Variants in ARHGAP20 observed in about 807,000 individuals in gnomAD.
The protein encoded by ARHGAP20 is rho GTPase-activating protein 20.
Under a neutral mutation model 73.7 loss-of-function variants are expected in ARHGAP20, and 34 were observed. The observed-to-expected ratio is 0.46, with a 90% confidence interval of 0.35 to 0.61. The LOEUF (loss-of-function observed/expected upper bound fraction) is 0.61. Among genes scored for constraint, ARHGAP20 ranks in the 20% least tolerant of loss-of-function variants. The pLI, the probability that ARHGAP20 is intolerant of heterozygous loss-of-function variation, is 0.00. For missense variants in ARHGAP20, 1,314 were observed against 1,420.9 expected (o/e 0.92, Z 1.21); for synonymous variants, 523 against 518.2 (o/e 1.01, Z -0.13).
At chr11:110,655,467 G>A (rs180915955) in intron 2 of ARHGAP20, among the ~76,000 whole-genome samples, 5 of 152,292 alleles carry the variant, frequency 3.3e-5, no homozygotes, top group Admixed American at 1.3e-4. Context: ...GAACATTAAC[G>A]TAAGCTCCGC....
intron 2 of ARHGAP20, among the ~76,000 whole-genome samples, chr11:110,647,019 T>G (rs1294329017): frequency 6.6e-6 from 1 of 152,150 alleles, no homozygotes; most frequent in African/African-American, 2.4e-5. Flanking sequence ...TACTGGAGGC[T>G]TTTTGCAATG....
Position 110,579,301 on chromosome 11 carries a change from TC to T in ARHGAP20, c.*68del. The T allele has an allele frequency of 6.7e-7, 1 of 1,492,392 alleles. No homozygotes were observed. Among genetic ancestry groups the T allele is most frequent in the Non-Finnish European group, 8.9e-7 (1 of 1,119,760 alleles). 92.4% of individuals were successfully genotyped at this position (1,492,392 alleles called of 1,614,324 possible). ...CTCCCAGGTATCTTATACAAAGGGG[TC>T]ATAATAATTATTGTCTATTATTATT... On this transcript the variant is annotated 3_prime_UTR_variant, in exon 15 of 15. Transcript: ENST00000683387.
rs142567231 is a variant in ARHGAP20, at chr11:110,587,824, C to T, written c.1306-1499G>A. On this transcript the variant is annotated intron_variant, in intron 11 of 14. Transcript: ENST00000683387. The stretch of plus-strand genomic sequence containing the variant: ...GACTAATTCAAAGTCTTCTTCTGTT[C>T]TATTATATCTTCTAGCAGAAATGTA... Among the ~76,000 whole-genome samples the T allele has an allele frequency of 3.3e-5, 5 of 151,978 alleles. 1 individual carries two copies. The East Asian group carries it at 5.8e-4, about 18-fold the overall frequency.
In ARHGAP20 at chr11:110,577,771, A is replaced by G; in HGVS notation, c.*1599T>C. The G allele has an allele frequency of 1.0e-6, 1 of 985,890 alleles. No individual in the cohort carries two copies. The highest frequency in any genetic ancestry group is 1.2e-6 in the Non-Finnish European group (1 of 829,946). 61.1% of individuals were successfully genotyped at this position (985,890 alleles called of 1,614,324 possible). A position where few individuals can be genotyped will look rare whatever the true frequency, so the allele number is the denominator to read the frequency against. On this transcript the variant is annotated 3_prime_UTR_variant, in exon 15 of 15. Coordinates refer to ENST00000683387, the MANE Select transcript of ARHGAP20 (RefSeq NM_001384657.1). ...TGTAATGGTTAGCGCAAACAGGGCC[A>G]TGTCCCCAAGAGGTAGGTAGCACCT...
At chr11:110,597,586 C>T (rs1363239490) in intron 9 of ARHGAP20, among the ~76,000 whole-genome samples, 1 of 152,134 alleles carries the variant, frequency 6.6e-6, no homozygotes, top group East Asian at 1.9e-4. Flanking sequence ...GCGTGAGCCA[C>T]TGTACACAGC....
chr11:110,682,339 T>C (rs1336991515), intron 2 of ARHGAP20, among the ~76,000 whole-genome samples: 1 of 152,182 alleles, frequency 6.6e-6, no homozygotes, highest in Non-Finnish European at 1.5e-5. Flanking sequence ...TATATAAGAC[T>C]CATTTAGTTC....
chr11:110,583,639 G>T lies in ARHGAP20; in HGVS notation c.1514C>A (p.Thr505Asn), dbSNP rs943049870. Residue 505 changes from threonine (T) to asparagine (N), a missense_variant, in exon 13 of 15, where the codon ACT (threonine) becomes AAT (asparagine). By Grantham distance (65) the Thr-to-Asn change is moderately conservative (BLOSUM62 0). This residue lies in a region of ARHGAP20 where 230 missense variants were observed against 317.6 expected (regional missense o/e 0.72). Transcript: ENST00000683387. ...GACACACACAGCTAAATTAAATGCA[G>T]TCATCTGATTGGATGAGGAATGTTG... ...IEQHSSSNQM[T>N]AFNLAVCVAP... is the part of the protein sequence containing the mutation. 1.3e-5 allele frequency: 21 copies of T among 1,613,142 alleles called. No individual in the cohort carries two copies. Among genetic ancestry groups the T allele is most frequent in the Non-Finnish European group, 1.7e-5 (20 of 1,179,476 alleles).
intron 2 of ARHGAP20, among the ~76,000 whole-genome samples, chr11:110,682,495 A>G (rs1418583376): frequency 6.6e-6 from 1 of 152,154 alleles, no homozygotes; most frequent in Non-Finnish European, 1.5e-5. Flanking sequence ...GTACTGTATC[A>G]TATTCCTTTA....
At chr11:110,583,275 T>C (rs1406342363) in intron 13 of ARHGAP20, among the ~76,000 whole-genome samples, 1 of 152,164 alleles carries the variant, frequency 6.6e-6, no homozygotes, top group Non-Finnish European at 1.5e-5. Context: ...AAAGTCCTTT[T>C]TTTCTTTTCA....
chr11:110,629,971 T>G (rs1014659891), intron 3 of ARHGAP20, among the ~76,000 whole-genome samples: 1 of 152,234 alleles, frequency 6.6e-6, no homozygotes, highest in Non-Finnish European at 1.5e-5. Context: ...TTGGGTAATT[T>G]GTTAAATGGC....
chr11:110,586,981 C>G (rs1029650530), intron 11 of ARHGAP20, among the ~76,000 whole-genome samples: 2 of 152,166 alleles, frequency 1.3e-5, no homozygotes, highest in African/African-American at 4.8e-5. Flanking sequence ...ACACTCATGC[C>G]TGATGTATGC....
At position 110,577,150 on chromosome 11, in the gene ARHGAP20, T is replaced by C. The variant is rs899921389; in HGVS notation, c.*2220A>G. ...AAACAACTTTAAAAGTTAGCAGCAG[T>C]TTCTGCAAGTACAAAAATACACATT... On this transcript the variant is annotated 3_prime_UTR_variant, in exon 15 of 15. Transcript: ENST00000683387. 6.5e-6 allele frequency: 10 copies of C among 1,534,810 alleles called. No homozygotes were observed. Among genetic ancestry groups the C allele is most frequent in the Non-Finnish European group, 8.7e-6 (10 of 1,146,330 alleles).
intron 9 of ARHGAP20, among the ~76,000 whole-genome samples, chr11:110,592,632 G>A (rs1371519610): frequency 1.3e-5 from 2 of 151,980 alleles, no homozygotes; most frequent in African/African-American, 4.8e-5. Flanking sequence ...AGTAAGAGAA[G>A]GACAAGATGA....
chr11:110,602,978 G>A (rs1948144308), intron 9 of ARHGAP20, among the ~76,000 whole-genome samples: 1 of 152,174 alleles, frequency 6.6e-6, no homozygotes, highest in African/African-American at 2.4e-5. Flanking sequence ...AATGTGTGGA[G>A]CAGAAAAAGG....
chr11:110,707,306 C>T lies in ARHGAP20; in HGVS notation c.105+4821G>A, dbSNP rs142676510. 3.4e-3 allele frequency among the ~76,000 whole-genome samples: 513 copies of T among 152,192 alleles called. 6 individuals are homozygous for T. The highest frequency in any genetic ancestry group is 0.012 in the African/African-American group (494 of 41,534). On this transcript the variant is annotated intron_variant, in intron 1 of 14. Transcript: ENST00000683387. ...CTAAAATGATTCTAATATGTGCTTC[C>T]ACTTCATTAAAACTATTCCGTGAAA...
In ARHGAP20 at chr11:110,630,636, G is replaced by A; in HGVS notation, c.345C>T (p.Ala115=). Residue 115 remains alanine (A), a synonymous_variant, in exon 3 of 15, where the codon GCC becomes GCT. Coordinates refer to ENST00000683387, the MANE Select transcript of ARHGAP20 (RefSeq NM_001384657.1). ...GTATATAGTATACATACTTGATTTT[G>A]GCCACAACAAACAGATCATTGAATA... ...LFLFNDLFVV[A]KIKYNNNFKI... is the part of the protein sequence containing the mutation. 6.2e-7 allele frequency: 1 copy of A among 1,613,710 alleles called. No individual in the cohort carries two copies. Among genetic ancestry groups the A allele is most frequent in the Non-Finnish European group, 8.5e-7 (1 of 1,179,872 alleles).
At chr11:110,665,538 A>G (rs939178964) in intron 2 of ARHGAP20, among the ~76,000 whole-genome samples, 1 of 152,218 alleles carries the variant, frequency 6.6e-6, no homozygotes, top group African/African-American at 2.4e-5. Flanking sequence ...AGCAGCCTAG[A>G]CAGAGATTCT....
intron 9 of ARHGAP20, among the ~76,000 whole-genome samples, chr11:110,601,415 G>A (rs960421026): frequency 1.3e-5 from 2 of 152,182 alleles, no homozygotes; most frequent in African/African-American, 4.8e-5. Context: ...AGATGTAACA[G>A]GCAAAGGAAT....
chr11:110,582,598 A>G (rs1947502934), intron 13 of ARHGAP20, among the ~76,000 whole-genome samples, 163 bp from the exon 14 acceptor site: 1 of 152,340 alleles, frequency 6.6e-6, no homozygotes, highest in Non-Finnish European at 1.5e-5. Flanking sequence ...AAACTATGAT[A>G]CTTTTAAAAG....
Sources: allele counts gnomAD v4.1 joint callset (sites outside exome capture counted in the v4.1 genomes callset), GRCh38; gene constraint gnomAD v4.1.1; regional missense constraint gnomAD v4.1.1; transcripts MANE v1.5; gene names NCBI Gene and HGNC (gene_info 2026-07-23, HGNC 2026-07-21).